RIMBP2: variants seen among roughly 807,000 people sequenced by gnomAD.
RIMBP2 encodes the protein RIMS binding protein 2.
In RIMBP2, 48 loss-of-function variants were observed where a neutral mutation model predicts 118.6. The observed-to-expected ratio is 0.40, with a 90% CI of 0.32 to 0.51. The LOEUF is 0.51. RIMBP2 is among the 20% of genes least tolerant of loss of function. The probability of loss-of-function intolerance (pLI) is 0.41; values close to 1 mark genes in which losing one functional copy is unlikely to be tolerated. For synonymous variants in RIMBP2, 762 were observed against 742.9 expected (o/e 1.03, Z -0.42); for missense variants, 1,551 against 1,768.3 (o/e 0.88, Z 2.20).
Position 130,511,185 on chromosome 12 carries a change from G to A in RIMBP2, c.-126-4415C>T, listed in dbSNP as rs1175245658. On this transcript the variant is annotated intron_variant, in intron 3 of 22. Transcript: ENST00000690449. The surrounding 1 kb of genome is among the most constrained non-coding windows in gnomAD (Gnocchi z 4.3). Reference sequence around the variant, plus strand: ...ACAAAAAAGAGAGAGCTTAGGTGATGCTCTGCTGCCAGCTTTGAAGATCAG... The same window carrying A: ...ACAAAAAAGAGAGAGCTTAGGTGATACTCTGCTGCCAGCTTTGAAGATCAG... Among the ~76,000 whole-genome samples the A allele has an allele frequency of 2.0e-5, 3 of 152,120 alleles. No homozygotes were observed. The highest frequency in any genetic ancestry group is 4.4e-5 in the Non-Finnish European group (3 of 68,022).
At chr12:130,409,613 G>A (rs1423951346) in intron 19 of RIMBP2, among the ~76,000 whole-genome samples, 4 of 152,138 alleles carry the variant, frequency 2.6e-5, no homozygotes, top group African/African-American at 9.7e-5. Context: ...AAAGTGCTGG[G>A]ATTACAGGCG....
At position 130,699,920 on chromosome 12, in the gene RIMBP2, A is replaced by G. The variant is rs1168127266; in HGVS notation, c.-352+16302T>C. ...ACTCTGTCTTAAAAAAAAAAAAAAA[A>G]AAAAAAAAAGAAATACAGGTTTTAT... On this transcript the variant is annotated intron_variant, in intron 1 of 22. Transcript: ENST00000690449. Among the ~76,000 whole-genome samples the G allele has an allele frequency of 6.6e-5, 10 of 150,956 alleles. No homozygotes were observed. In the East Asian group the frequency reaches 1.7e-3, roughly 26 times the overall value.
chr12:130,477,756 A>G (rs2081564267), intron 5 of RIMBP2, among the ~76,000 whole-genome samples: 1 of 152,218 alleles, frequency 6.6e-6, no homozygotes. Flanking sequence ...AGGCTGGGTG[A>G]ATGACTGTGA....
chr12:130,628,647 T>C (rs2061791380), intron 1 of RIMBP2, among the ~76,000 whole-genome samples, 191 bp from the exon 2 acceptor site: 1 of 152,188 alleles, frequency 6.6e-6, no homozygotes, highest in Non-Finnish European at 1.5e-5. Context: ...CCTCCCAGCC[T>C]GAGATTTTTC....
At chr12:130,615,281 A>ATG in intron 2 of RIMBP2, among the ~76,000 whole-genome samples, 8 of 131,364 alleles carry the variant, frequency 6.1e-5, no homozygotes, top group African/African-American at 2.0e-4. Context: ...ACATACATAT[A>ATG]TATATATATA....
At chr12:130,547,947 G>C (rs2055341781) in intron 2 of RIMBP2, among the ~76,000 whole-genome samples, 1 of 152,154 alleles carries the variant, frequency 6.6e-6, no homozygotes, top group Non-Finnish European at 1.5e-5. Context: ...TGAATGTCTT[G>C]TAATTCTGCT....
intron 2 of RIMBP2, among the ~76,000 whole-genome samples, chr12:130,583,464 A>C (rs1393255056): frequency 7.8e-6 from 1 of 127,506 alleles, no homozygotes; most frequent in Non-Finnish European, 1.8e-5. Flanking sequence ...TATCATGACC[A>C]TTACATCACC....
chr12:130,567,688 A>G (rs1274971932), intron 2 of RIMBP2, among the ~76,000 whole-genome samples: 2 of 152,192 alleles, frequency 1.3e-5, no homozygotes, highest in African/African-American at 4.8e-5. Context: ...TGGGCATAGC[A>G]GCCACAGCGG....
chr12:130,618,349 A>G (rs1350744229), intron 2 of RIMBP2, among the ~76,000 whole-genome samples: 1 of 152,130 alleles, frequency 6.6e-6, no homozygotes, highest in East Asian at 1.9e-4. Context: ...TTTATAGACA[A>G]TGTACAGCAC....
chr12:130,424,496 A>G lies in RIMBP2; in HGVS notation c.2775T>C (p.Ser925=). The G allele has an allele frequency of 8.1e-7, 1 of 1,231,478 alleles. No homozygotes were observed. Among genetic ancestry groups the G allele is most frequent in the Non-Finnish European group, 1.0e-6 (1 of 987,760 alleles). The allele number at this position is 1,231,478 out of a possible 1,614,324, so 76.3% of individuals were successfully genotyped here. The change falls in exon 16 of 23, where the codon AGT becomes AGC. Residue 925 remains serine (S), a synonymous_variant. Transcript: ENST00000690449. The surrounding 1 kb of genome is among the most constrained non-coding windows in gnomAD (Gnocchi z 9.8). ...AGCCAAACCGCGACTCGTCCTCTTC[A>G]CTCCCACAGTCCAGGCCGCTGTCCG... ...RSPDSGLDCG[S]EEDESRFGFG...
chr12:130,597,364 C>T (rs1256737707), intron 2 of RIMBP2, among the ~76,000 whole-genome samples: 1 of 152,212 alleles, frequency 6.6e-6, no homozygotes, highest in African/African-American at 2.4e-5. Context: ...CTGCCTCAGC[C>T]TCCTGAGTAG....
At position 130,532,446 on chromosome 12, in the gene RIMBP2, CGTCT is replaced by C. The variant is rs1211964668; in HGVS notation, c.-216-14533_-216-14530del. 4.7e-5 allele frequency among the ~76,000 whole-genome samples: 7 copies of C among 148,868 alleles called. No individual in the cohort carries two copies. In the South Asian group the frequency reaches 1.3e-3, roughly 27 times the overall value. On this transcript the variant is annotated intron_variant, in intron 2 of 22. Transcript: ENST00000690449. ...GCGTGTGTTCAGCCTCTAGGAGGGACGTCTAATGAGATGCGTGTGTTCAGCCTCT... is the reference window on the plus strand; with the variant it reads ...GCGTGTGTTCAGCCTCTAGGAGGGACAATGAGATGCGTGTGTTCAGCCTCT...
chr12:130,501,522 C>G (rs1301937145), intron 4 of RIMBP2, among the ~76,000 whole-genome samples: 3 of 152,242 alleles, frequency 2.0e-5, no homozygotes, highest in Non-Finnish European at 4.4e-5. Flanking sequence ...AGTGCCATGT[C>G]AGTTTACCAT....
intron 1 of RIMBP2, among the ~76,000 whole-genome samples, chr12:130,673,677 C>G (rs554586974): frequency 1.3e-5 from 2 of 152,308 alleles, no homozygotes; most frequent in Admixed American, 1.3e-4. Context: ...TGTGTTCCTG[C>G]CCAAATCTGA....
At chr12:130,410,749 G>A (rs1354615877) in intron 19 of RIMBP2, among the ~76,000 whole-genome samples, 6 of 152,098 alleles carry the variant, frequency 3.9e-5, no homozygotes, top group South Asian at 2.1e-4. Flanking sequence ...ACGTTGTCTC[G>A]ATTAGCATAC....
At chr12:130,504,693 C>T (rs773957278) in intron 4 of RIMBP2, among the ~76,000 whole-genome samples, 2 of 152,064 alleles carry the variant, frequency 1.3e-5, no homozygotes, top group African/African-American at 2.4e-5. Flanking sequence ...TTTAAGCCAC[C>T]GAGACACTGT....
At chr12:130,457,205 G>T (rs979829619) in intron 6 of RIMBP2, among the ~76,000 whole-genome samples, 1 of 152,220 alleles carries the variant, frequency 6.6e-6, no homozygotes, top group African/African-American at 2.4e-5. Context: ...CTCATCCAGG[G>T]CGCCCGCCCC....
chr12:130,674,912 C>T (rs1379937955), intron 1 of RIMBP2, among the ~76,000 whole-genome samples: 1 of 152,222 alleles, frequency 6.6e-6, no homozygotes, highest in Non-Finnish European at 1.5e-5. Flanking sequence ...CCGCAAGGTT[C>T]ATCCGTGTGG....
rs2077161648 is a variant in RIMBP2 at position 130,431,645 on chromosome 12, T to C, written c.2253+3089A>G. On this transcript the variant is annotated intron_variant, in intron 14 of 22. Transcript: ENST00000690449. The surrounding 1 kb of genome is among the most constrained non-coding windows in gnomAD (Gnocchi z 4.0). ...TACAACATAAAACAATGCTGCTAAA[T>C]ATTAACGCTTTTTAAATTTTAATAG... 6.5e-6 allele frequency: 1 copy of C among 154,722 alleles called. No individual in the cohort carries two copies. 9.6% of individuals were successfully genotyped at this position (154,722 alleles called of 1,614,324 possible).
Sources: allele counts gnomAD v4.1 joint callset (sites outside exome capture counted in the v4.1 genomes callset), GRCh38; gene constraint gnomAD v4.1.1; non-coding constraint Gnocchi (gnomAD v3.1); transcripts MANE v1.5; gene names NCBI Gene and HGNC (gene_info 2026-07-23, HGNC 2026-07-21).